Variants in HS1BP3 observed in about 807,000 individuals in gnomAD.
HS1BP3 encodes HCLS1-binding protein 3.
A neutral mutation model predicts 33.5 loss-of-function variants in HS1BP3; 32 were observed. The observed-to-expected ratio is 0.95, with a 90% confidence interval of 0.72 to 1.28. HS1BP3 has a LOEUF of 1.28. Ranked by LOEUF, HS1BP3 falls within the 50% of genes most tolerant of loss-of-function variation. HS1BP3 has a pLI of 0.00. For missense variants in HS1BP3, 486 were observed against 502.3 expected (o/e 0.97, Z 0.31); for synonymous variants, 187 against 209.2 (o/e 0.89, Z 0.92).
At chr2:20,567,122 T>C (rs1693148698) in intron 5 of HS1BP3, among the ~76,000 whole-genome samples, 1 of 152,156 alleles carries the variant, frequency 6.6e-6, no homozygotes, top group South Asian at 2.1e-4. Context: ...CACGATCTGA[T>C]GAATATTACT....
rs563035588 is a variant in HS1BP3 at position 20,596,262 on chromosome 2, A to G, written c.*12+1946T>C. On this transcript the variant is annotated intron_variant, in intron 3 of 3. Transcript: ENST00000415264. ...TTTGTCAAAACTCCTTCAAGACCCC[A>G]GCTAGGATACTGCCTCCTCCAGGAA... 3.3e-5 allele frequency among the ~76,000 whole-genome samples: 5 copies of G among 152,300 alleles called. No homozygotes were observed. The East Asian group carries it at 5.8e-4, about 18-fold the overall frequency.
At position 20,641,128 on chromosome 2, in the gene HS1BP3, C is replaced by A; in HGVS notation, c.251G>T (p.Arg84Leu). Reference protein sequence around the residue: ...IEEFYQKLSSRYAAASLPPLP... With the variant: ...IEEFYQKLSSLYAAASLPPLP... ...TGGGGGGAGGCTGGCTGCTGCATAA[C>A]GACTGCTCAGTTTCTGGTAAAACTC... The change falls in exon 3 of 7, where the codon CGT becomes CTT. Residue 84 changes from arginine (R) to leucine (L), a missense_variant. Arg to Leu is a moderately radical substitution (Grantham distance 102). Coordinates refer to ENST00000304031, the MANE Select transcript of HS1BP3 (RefSeq NM_022460.4). 6.2e-7 allele frequency: 1 copy of A among 1,612,446 alleles called. No homozygotes were observed. Among genetic ancestry groups the A allele is most frequent in the Non-Finnish European group, 8.5e-7 (1 of 1,179,998 alleles).
At chr2:20,649,887 T>A (rs976964713) in intron 1 of HS1BP3, among the ~76,000 whole-genome samples, 2 of 152,098 alleles carry the variant, frequency 1.3e-5, no homozygotes, top group Admixed American at 1.3e-4. Context: ...ACCCACCCCA[T>A]CCCAAGCACC....
chr2:20,639,011 C>T (rs1294462902), intron 3 of HS1BP3, among the ~76,000 whole-genome samples: 9 of 152,332 alleles, frequency 5.9e-5, no homozygotes, highest in African/African-American at 7.2e-5. Context: ...ACCCTCCTCC[C>T]GGGTGAGCGG....
chr2:20,640,776 C>T (rs768910661), intron 3 of HS1BP3, 197 bp downstream of exon 3: 42 of 624,246 alleles, frequency 6.7e-5, no homozygotes, highest in South Asian at 2.7e-4. Flanking sequence ...GACAGCCAGA[C>T]GTTCAGTCCC....
intron 5 of HS1BP3, among the ~76,000 whole-genome samples, chr2:20,582,569 C>T (rs1176301053): frequency 6.6e-6 from 1 of 152,066 alleles, no homozygotes. Flanking sequence ...GGCAGTGCTC[C>T]CCCTCATGTC....
chr2:20,560,936 T>G (rs1572282989), intron 5 of HS1BP3, among the ~76,000 whole-genome samples: 1 of 151,794 alleles, frequency 6.6e-6, no homozygotes, highest in African/African-American at 2.4e-5. Flanking sequence ...GAAAGCAGGG[T>G]CTGAGAATGA....
chr2:20,621,389 CCTT>C (rs1235045848), intron 6 of HS1BP3, among the ~76,000 whole-genome samples: 1 of 152,382 alleles, frequency 6.6e-6, no homozygotes, highest in East Asian at 1.9e-4. Context: ...TAAAAGGTGT[CCTT>C]CTTGAACAAA....
downstream of HS1BP3, among the ~76,000 whole-genome samples, chr2:20,558,014 C>T (rs1043851003): frequency 3.9e-5 from 6 of 152,244 alleles, no homozygotes; most frequent in Non-Finnish European, 7.3e-5. Flanking sequence ...AAGAGCACCT[C>T]CCTCTCCCTC....
chr2:20,641,087 G>A lies in HS1BP3; in HGVS notation c.292C>T (p.Leu98=), dbSNP rs550172516. ...ASLPPLPRKV[L]FVGESDIRER... Reference sequence around the variant, plus strand: ...CGGATGTCAGACTCCCCAACAAACAGGACCTTCCTGGGTAGTGGGGGGAGG... The same window carrying A: ...CGGATGTCAGACTCCCCAACAAACAAGACCTTCCTGGGTAGTGGGGGGAGG... Residue 98 remains leucine (L), a synonymous_variant, in exon 3 of 7, where the codon CTG becomes TTG. Transcript: ENST00000304031. 2 of 1,613,992 alleles carry A rather than the reference G, an allele frequency of 1.2e-6. No individual in the cohort carries two copies. Among genetic ancestry groups the A allele is most frequent in the South Asian group, 2.2e-5 (2 of 91,090 alleles).
intron 3 of HS1BP3, among the ~76,000 whole-genome samples, chr2:20,639,586 C>T (rs7586298): frequency 0.19 from 28,842 of 152,128 alleles, 2,867 homozygotes; most frequent in African/African-American, 0.2. Flanking sequence ...ATGACGATAT[C>T]GTATTATGTG....
rs150055625 is a variant in HS1BP3, at chr2:20,632,670, G to A, written c.623+5766C>T. Among the ~76,000 whole-genome samples the A allele has an allele frequency of 7.2e-3, 1,092 of 152,284 alleles. 17 individuals carry two copies. Among genetic ancestry groups the A allele is most frequent in the African/African-American group, 0.025 (1,023 of 41,570 alleles). On this transcript the variant is annotated intron_variant, in intron 4 of 6. Transcript: ENST00000304031. ...AACGGGTCCTGGGGGAGCCTGAGGC[G>A]GGAAAATGGCAAGTGTGACCTCCCA...
Position 20,642,936 on chromosome 2 carries a change from C to A in HS1BP3, c.199-1756G>T, listed in dbSNP as rs189053934. Among the ~76,000 whole-genome samples the A allele has an allele frequency of 1.2e-4, 19 of 152,346 alleles. No individual in the cohort carries two copies. In the East Asian group the frequency reaches 3.5e-3, roughly 28 times the overall value. ...CTAGCACATCCAAGAGCCTGCACAA[C>A]CTCCACTGCGGTGCCCCCTCCTGCG... is the stretch of plus-strand genomic sequence containing the variant. On this transcript the variant is annotated intron_variant, in intron 2 of 6. Coordinates refer to ENST00000304031, the MANE Select transcript of HS1BP3 (RefSeq NM_022460.4).
intron 6 of HS1BP3, among the ~76,000 whole-genome samples, chr2:20,621,228 C>T (rs1428173471): frequency 6.6e-6 from 1 of 152,212 alleles, no homozygotes; most frequent in Non-Finnish European, 1.5e-5. Context: ...TGGAGGTGTC[C>T]AGCACAGCAC....
At chr2:20,573,668 C>T (rs1199802071) in intron 5 of HS1BP3, among the ~76,000 whole-genome samples, 1 of 152,222 alleles carries the variant, frequency 6.6e-6, no homozygotes, top group East Asian at 1.9e-4. Context: ...GAGCTATGGG[C>T]TTCCCCTTCC....
At chr2:20,579,255 G>A (rs1693475011) in intron 5 of HS1BP3, among the ~76,000 whole-genome samples, 1 of 152,246 alleles carries the variant, frequency 6.6e-6, no homozygotes, top group South Asian at 2.1e-4. Context: ...ATCCGAGCTG[G>A]CTGAGGGTTG....
chr2:20,644,304 C>T (rs1695451734), intron 2 of HS1BP3, among the ~76,000 whole-genome samples: 1 of 152,174 alleles, frequency 6.6e-6, no homozygotes. Context: ...CCTCCTTCTC[C>T]CCAAGAGTCC....
chr2:20,607,562 C>G (rs960737449), intron 2 of HS1BP3, among the ~76,000 whole-genome samples: 1 of 152,220 alleles, frequency 6.6e-6, no homozygotes, highest in Non-Finnish European at 1.5e-5. Context: ...AAGTGCCACA[C>G]GTGTATGAGT....
At chr2:20,574,337 A>G (rs925268325) in intron 5 of HS1BP3, among the ~76,000 whole-genome samples, 7 of 152,230 alleles carry the variant, frequency 4.6e-5, no homozygotes, top group Non-Finnish European at 1.0e-4. Context: ...CAAAATCACA[A>G]TTTATGAGTT....
Sources: allele counts gnomAD v4.1 joint callset (sites outside exome capture counted in the v4.1 genomes callset), GRCh38; gene constraint gnomAD v4.1.1; transcripts MANE v1.5; gene names NCBI Gene and HGNC (gene_info 2026-07-23, HGNC 2026-07-21).